The following HSPA12A variants were observed in gnomAD, a reference collection of about 807,000 sequenced individuals.
HSPA12A encodes the protein heat shock 70 kDa protein 12A.
Under a neutral mutation model 69.2 loss-of-function variants are expected in HSPA12A, and 28 were observed. That is an observed-to-expected ratio of 0.40 (90% CI 0.30 to 0.55). The LOEUF (loss-of-function observed/expected upper bound fraction) is 0.55, where lower values mean the gene tolerates loss of function less well. Ranked by LOEUF, HSPA12A falls within the 20% of genes least tolerant of loss-of-function variation. HSPA12A has a pLI of 0.38. For synonymous variants in HSPA12A, 345 were observed against 370.5 expected, an observed-to-expected ratio of 0.93 and a Z score of 0.79; for missense variants, 686 against 900.7, an observed-to-expected ratio of 0.76 and a Z score of 3.05.
intron 2 of HSPA12A, 124 bp downstream of exon 2, chr10:116,707,076 A>G (rs917251004): frequency 1.3e-6 from 1 of 766,676 alleles, no homozygotes; most frequent in South Asian, 1.9e-5. Flanking sequence ...GGGGCTGTCC[A>G]GCAGCCTGAA....
intron 2 of HSPA12A, among the ~76,000 whole-genome samples, chr10:116,768,027 C>G (rs1200827065): frequency 6.6e-6 from 1 of 152,160 alleles, no homozygotes; most frequent in Non-Finnish European, 1.5e-5. Context: ...AACCAAAAAT[C>G]TAAGTTTACA....
chr10:116,849,821 C>T, upstream of HSPA12A: 6 of 1,375,366 alleles, frequency 4.4e-6, no homozygotes, highest in Non-Finnish European at 5.9e-6. Flanking sequence ...GCCTGCGCCT[C>T]AGAATCTCGC....
chr10:116,729,200 A>T (rs1851075922), intron 1 of HSPA12A, among the ~76,000 whole-genome samples: 2 of 152,148 alleles, frequency 1.3e-5, no homozygotes, highest in Non-Finnish European at 2.9e-5. Context: ...GCCAATGAGG[A>T]GCACGCCGGG....
chr10:116,806,661 A>T (rs756273280), intron 2 of HSPA12A, among the ~76,000 whole-genome samples: 1 of 152,192 alleles, frequency 6.6e-6, no homozygotes, highest in Non-Finnish European at 1.5e-5. Flanking sequence ...GTATCTACTT[A>T]AAGCAGATAT....
Position 116,683,801 on chromosome 10 carries a change from C to G in HSPA12A, c.825G>C (p.Gly275=). 6.4e-7 allele frequency: 1 copy of G among 1,560,566 alleles called. No individual in the cohort carries two copies. The highest frequency in any genetic ancestry group is 8.8e-7 in the Non-Finnish European group (1 of 1,139,922). The stretch of plus-strand genomic sequence containing the variant: ...AGAGAGCAGAGGTACCCTGTGTAAA[C>G]CCAGCTCCTACTGTGTCACTGCCGC... ...GYSGSDTVGA[G]FTQAKEHIRR... is the part of the protein sequence containing the mutation. Residue 275 remains glycine (G), a synonymous_variant, in exon 7 of 12, where the codon GGG becomes GGC. Coordinates refer to ENST00000369209, the MANE Select transcript of HSPA12A (RefSeq NM_025015.3).
intron 4 of HSPA12A, among the ~76,000 whole-genome samples, chr10:116,699,250 G>A (rs1003087969): frequency 7.9e-5 from 12 of 152,280 alleles, no homozygotes; most frequent in Non-Finnish European, 1.6e-4. Context: ...CTATTTTAAG[G>A]CTTGCCCTAT....
At chr10:116,685,452 T>A (rs570663161) in intron 6 of HSPA12A, among the ~76,000 whole-genome samples, 1 of 151,236 alleles carries the variant, frequency 6.6e-6, no homozygotes. Context: ...CTGGCCAAGA[T>A]GGTGAAACCC....
At chr10:116,695,322 G>A (rs1554880658) in intron 5 of HSPA12A, among the ~76,000 whole-genome samples, 1 of 152,170 alleles carries the variant, frequency 6.6e-6, no homozygotes, top group African/African-American at 2.4e-5. Flanking sequence ...TGAGTGGGAG[G>A]TGGGGCCTAA....
intron 1 of HSPA12A, among the ~76,000 whole-genome samples, chr10:116,842,701 C>A (rs1425307091): frequency 2.6e-5 from 4 of 152,148 alleles, no homozygotes; most frequent in African/African-American, 9.7e-5. Flanking sequence ...CTCCCGGGTT[C>A]AAGCGATTCT....
At chr10:116,679,398 A>C (rs2921960) in intron 10 of HSPA12A, 105 bp downstream of exon 10, 1,296,656 of 1,364,604 alleles carry the variant, frequency 0.95, 616,601 homozygotes, top group South Asian at 0.97. Context: ...GTCATACAGC[A>C]AGTGTGTAGG....
intron 3 of HSPA12A, among the ~76,000 whole-genome samples, chr10:116,702,543 T>C (rs1850110914): frequency 6.6e-6 from 1 of 152,142 alleles, no homozygotes; most frequent in Non-Finnish European, 1.5e-5. Context: ...TCAAGCTCCA[T>C]CAGGATGCTG....
chr10:116,797,504 G>A (rs1244026908), intron 2 of HSPA12A, among the ~76,000 whole-genome samples: 3 of 152,184 alleles, frequency 2.0e-5, no homozygotes, highest in African/African-American at 7.2e-5. Flanking sequence ...ATGTGTTTGA[G>A]TGTGTGTGTT....
chr10:116,682,632 G>A (rs1430599893), intron 7 of HSPA12A, among the ~76,000 whole-genome samples: 1 of 152,164 alleles, frequency 6.6e-6, no homozygotes, highest in Admixed American at 6.5e-5. Flanking sequence ...CTATGAGAGG[G>A]CACAAATCAT....
intron 2 of HSPA12A, among the ~76,000 whole-genome samples, chr10:116,828,109 G>A (rs762180994): frequency 4.6e-5 from 7 of 152,164 alleles, no homozygotes; most frequent in Non-Finnish European, 8.8e-5. Flanking sequence ...CTGCCTGAAA[G>A]TCCCTTTTGA....
intron 1 of HSPA12A, among the ~76,000 whole-genome samples, chr10:116,729,828 G>A (rs1252772329): frequency 1.3e-5 from 2 of 152,128 alleles, no homozygotes; most frequent in African/African-American, 4.8e-5. Flanking sequence ...ATGTAACTTA[G>A]ACCTCAATAG....
At chr10:116,834,878 T>C in intron 2 of HSPA12A, 1 of 957,988 alleles carries the variant, frequency 1.0e-6, no homozygotes. Context: ...AATGAGGTTC[T>C]GGGGCAGTTA....
upstream of HSPA12A, among the ~76,000 whole-genome samples, chr10:116,743,057 C>T (rs1851567096): frequency 1.4e-5 from 2 of 146,106 alleles, no homozygotes; most frequent in Admixed American, 6.8e-5. Context: ...GCTGGGTGGA[C>T]CCCGGCGCGG....
At chr10:116,814,132 A>G (rs1217089276) in intron 2 of HSPA12A, among the ~76,000 whole-genome samples, 1 of 152,220 alleles carries the variant, frequency 6.6e-6, no homozygotes, top group Non-Finnish European at 1.5e-5. Context: ...TCTATTTTTT[A>G]AAAAAGAATT....
chr10:116,770,900 G>GC (rs5788191), intron 2 of HSPA12A, among the ~76,000 whole-genome samples: 3 of 151,682 alleles, frequency 2.0e-5, no homozygotes, highest in African/African-American at 7.3e-5. Context: ...TCTCTTGGGG[G>GC]AGATTTTTAC....
Sources: gnomAD v4.1 joint callset for allele counts (sites outside exome capture counted in the v4.1 genomes callset) on GRCh38, gnomAD v4.1.1 for gene constraint, MANE v1.5 for transcripts, NCBI Gene and HGNC (gene_info 2026-07-23, HGNC 2026-07-21) for gene names.